The following NUP205 variants were observed in gnomAD, a reference collection of about 807,000 sequenced individuals.
NUP205 encodes nuclear pore complex protein Nup205.
In NUP205, 76 loss-of-function variants were observed where a neutral mutation model predicts 253.8. That is an observed-to-expected ratio of 0.30 (90% CI 0.25 to 0.36). The LOEUF (loss-of-function observed/expected upper bound fraction) is 0.36. NUP205 is among the 10% of genes least tolerant of loss of function. The pLI is 1.00. For synonymous variants in NUP205, 832 were observed against 850.1 expected, an observed-to-expected ratio of 0.98 and a Z score of 0.37; for missense variants, 2,162 against 2,425.5, an observed-to-expected ratio of 0.89 and a Z score of 2.28.
intron 41 of NUP205, 136 bp downstream of exon 41, chr7:135,645,732 A>G: frequency 3.8e-6 from 3 of 783,692 alleles, no homozygotes; most frequent in Non-Finnish European, 6.0e-6. Flanking sequence ...TAGTCACTAG[A>G]CGTAGCTATT....
chr7:135,634,344 A>G (rs1403364343), intron 35 of NUP205, among the ~76,000 whole-genome samples: 3 of 152,230 alleles, frequency 2.0e-5, no homozygotes, highest in Non-Finnish European at 4.4e-5. Context: ...GTCCTTTTAA[A>G]TTGAGGCAGC....
intron 30 of NUP205, among the ~76,000 whole-genome samples, chr7:135,621,725 A>G (rs574500170): frequency 3.9e-5 from 6 of 152,334 alleles, no homozygotes; most frequent in East Asian, 3.9e-4. Flanking sequence ...ACTAAAAAAA[A>G]GAATAAAAAT....
chr7:135,589,361 C>T (rs1806561537), intron 10 of NUP205, among the ~76,000 whole-genome samples: 1 of 150,424 alleles, frequency 6.6e-6, no homozygotes, highest in Non-Finnish European at 1.5e-5. Flanking sequence ...TCTCAGCTCA[C>T]CCCAACCTCC....
intron 22 of NUP205, among the ~76,000 whole-genome samples, chr7:135,611,319 A>T (rs192433840): frequency 3.3e-5 from 5 of 152,012 alleles, no homozygotes; most frequent in Admixed American, 2.0e-4. Flanking sequence ...TTCTCTTCTG[A>T]TAGTATTATT....
chr7:135,625,371 C>G lies in NUP205; in HGVS notation c.4671+16C>G, dbSNP rs1359970747. On this transcript the variant is annotated intron_variant, in intron 32 of 42. Coordinates refer to ENST00000285968, the MANE Select transcript of NUP205 (RefSeq NM_015135.3). ...ATCTAAAATGGTAAGGCTTTCTAGA[C>G]ATTTGATGTTAGATCAAGAAGTCGT... 6.5e-7 allele frequency: 1 copy of G among 1,547,594 alleles called. No individual in the cohort carries two copies. The highest frequency in any genetic ancestry group is 2.1e-5 in the Admixed American group (1 of 46,890).
At chr7:135,598,844 G>A (rs1452517579) in intron 15 of NUP205, 1 of 152,396 alleles carries the variant, frequency 6.6e-6, no homozygotes, top group Non-Finnish European at 1.5e-5. Context: ...CCAGGACCAG[G>A]ATTTGAACCT....
At chr7:135,576,176 A>G in intron 3 of NUP205, 94 bp from the exon 4 acceptor site, 2 of 1,092,848 alleles carry the variant, frequency 1.8e-6, no homozygotes, top group Non-Finnish European at 2.7e-6. Flanking sequence ...AGCTACTGTG[A>G]TTCTTTGAAC....
Position 135,618,598 on chromosome 7 carries a change from G to A in NUP205, c.3958G>A (p.Asp1320Asn), listed in dbSNP as rs761089908. 1 of 1,593,260 alleles carries A rather than the reference G, an allele frequency of 6.3e-7. No homozygotes were observed. Among genetic ancestry groups the A allele is most frequent in the Admixed American group, 1.7e-5 (1 of 57,344 alleles). The change falls in exon 28 of 43, where the codon GAT becomes AAT. Residue 1320 changes from aspartate to asparagine, a missense_variant. Transcript: ENST00000285968. ...IIRDILQDVH[D>N]KILDDEAAQE... ...TCGTGATATTTTACAAGATGTGCAT[G>A]ATAAGGTGACGTACTTCCTAAAATA...
chr7:135,561,203 G>C (rs1584629845), intron 1 of NUP205, among the ~76,000 whole-genome samples: 1 of 152,162 alleles, frequency 6.6e-6, no homozygotes, highest in East Asian at 1.9e-4. Context: ...AATTAGCCTG[G>C]CATGATGGCA....
At chr7:135,590,003 CAT>C (rs1356058432) in intron 10 of NUP205, among the ~76,000 whole-genome samples, 5 of 151,244 alleles carry the variant, frequency 3.3e-5, no homozygotes, top group African/African-American at 4.9e-5. Flanking sequence ...AAATTTGAAA[CAT>C]GTGGAAGAGG....
At chr7:135,608,047 T>C (rs1794126481) in intron 22 of NUP205, among the ~76,000 whole-genome samples, 2 of 135,220 alleles carry the variant, frequency 1.5e-5, no homozygotes, top group Non-Finnish European at 1.6e-5. Flanking sequence ...TTTTTTTTAA[T>C]ATGGAGTCTC....
chr7:135,611,221 G>A (rs1794228239), intron 22 of NUP205, among the ~76,000 whole-genome samples: 1 of 151,992 alleles, frequency 6.6e-6, no homozygotes, highest in African/African-American at 2.4e-5. Context: ...TGTTGGCCAG[G>A]GTGGTCTCAA....
chr7:135,562,545 C>CT (rs34482653), intron 1 of NUP205, among the ~76,000 whole-genome samples: 22,950 of 97,280 alleles, frequency 0.24, 3,831 homozygotes, highest in Non-Finnish European at 0.3. Flanking sequence ...GACCAAAATC[C>CT]TTTTTTTTTT....
chr7:135,598,146 T>A lies in NUP205; in HGVS notation c.2213T>A (p.Phe738Tyr). ...CCTGGCTTTGACCCTTATTTGCAGT[T>A]CCTTAGAGACTCTGTGTTTCTACGA... is the stretch of plus-strand genomic sequence containing the variant. ...RPPGFDPYLQ[F>Y]LRDSVFLRFR... The change falls in exon 15 of 43, where the codon TTC (phenylalanine) becomes TAC (tyrosine). Residue 738 changes from phenylalanine to tyrosine, a missense_variant. Coordinates refer to ENST00000285968, the MANE Select transcript of NUP205 (RefSeq NM_015135.3). The A allele has an allele frequency of 2.5e-6, 4 of 1,614,124 alleles. No individual in the cohort carries two copies. Among genetic ancestry groups the A allele is most frequent in the Non-Finnish European group, 3.4e-6 (4 of 1,180,006 alleles).
intron 13 of NUP205, 103 bp downstream of exon 13, chr7:135,594,832 T>A: frequency 4.7e-6 from 4 of 857,020 alleles, no homozygotes; most frequent in Non-Finnish European, 7.2e-6. Flanking sequence ...TAGTATATCA[T>A]GAACATCCCA....
intron 22 of NUP205, among the ~76,000 whole-genome samples, chr7:135,611,484 A>T (rs530038564): frequency 2.1e-4 from 32 of 152,344 alleles, no homozygotes; most frequent in Middle Eastern, 6.8e-3. Flanking sequence ...GTCAATGTAC[A>T]TCTGTAGCAG....
At chr7:135,583,402 A>G (rs1225719251) in intron 7 of NUP205, among the ~76,000 whole-genome samples, 1 of 152,178 alleles carries the variant, frequency 6.6e-6, no homozygotes, top group Non-Finnish European at 1.5e-5. Context: ...TAGAAAGTTG[A>G]ATGTAAGTCA....
At chr7:135,564,691 C>G (rs529559109) in intron 1 of NUP205, among the ~76,000 whole-genome samples, 1 of 152,090 alleles carries the variant, frequency 6.6e-6, no homozygotes, top group South Asian at 2.1e-4. Flanking sequence ...GCCACCTTGC[C>G]TGGCCCTTTG....
chr7:135,598,133 C>A lies in NUP205; in HGVS notation c.2200C>A (p.Pro734Thr), dbSNP rs150179196. ...GAGLRPPGFD[P>T]YLQFLRDSVF... is the part of the protein sequence containing the mutation. The stretch of plus-strand genomic sequence containing the variant: ...TGGACTGCGGCCCCCTGGCTTTGAC[C>A]CTTATTTGCAGTTCCTTAGAGACTC... Residue 734 changes from proline (P) to threonine (T), a missense_variant, in exon 15 of 43, where the codon CCT (proline) becomes ACT (threonine). Pro to Thr is a conservative substitution (Grantham distance 38). This residue lies in a region of NUP205 where 892 missense variants were observed against 957.1 expected (regional missense o/e 0.93). Transcript: ENST00000285968. 3.1e-6 allele frequency: 5 copies of A among 1,613,998 alleles called. No individual in the cohort carries two copies. The highest frequency in any genetic ancestry group is 1.7e-5 in the Admixed American group (1 of 59,990).
Sources: allele counts gnomAD v4.1 joint callset (sites outside exome capture counted in the v4.1 genomes callset), GRCh38; gene constraint gnomAD v4.1.1; regional missense constraint gnomAD v4.1.1; transcripts MANE v1.5; gene names NCBI Gene and HGNC (gene_info 2026-07-23, HGNC 2026-07-21).